HSPA13: variants seen among roughly 807,000 people sequenced by gnomAD.
The protein encoded by HSPA13 is heat shock protein family A (Hsp70) member 13.
HSPA13 carries 29 observed loss-of-function variants against 38.8 expected under a neutral mutation model. The observed-to-expected ratio is 0.75, with a 90% CI of 0.56 to 1.02. HSPA13 has a LOEUF of 1.02. Ranked by LOEUF, HSPA13 falls within the 50% of genes least tolerant of loss-of-function variation. HSPA13 has a pLI of 0.00. For missense variants in HSPA13, 451 were observed against 560.9 expected, an observed-to-expected ratio of 0.80 and a Z score of 1.98; for synonymous variants, 192 against 205.3, an observed-to-expected ratio of 0.94 and a Z score of 0.56.
intron 4 of HSPA13, among the ~76,000 whole-genome samples, chr21:14,375,367 A>T (rs573345695): frequency 6.6e-6 from 1 of 152,110 alleles, no homozygotes; most frequent in Non-Finnish European, 1.5e-5. Flanking sequence ...ATAAAATTAC[A>T]TATACAGAAA....
Position 14,375,851 on chromosome 21 carries a change from TGA to T in HSPA13, c.581-34_581-33del, listed in dbSNP as rs761698381. On this transcript the variant is annotated intron_variant, in intron 3 of 4. Transcript: ENST00000285667. ...GATTGGTTAAGGGAAGAAAAATTCA[TGA>T]GAGGATGCGATCAAGTAATCTCTTC... The T allele has an allele frequency of 3.1e-6, 5 of 1,587,768 alleles. No homozygotes were observed. In the East Asian group the frequency reaches 9.0e-5, roughly 29 times the overall value.
chr21:14,376,002 T>C (rs1180635788), intron 3 of HSPA13, among the ~76,000 whole-genome samples, 183 bp from the exon 4 acceptor site: 1 of 152,218 alleles, frequency 6.6e-6, no homozygotes, highest in African/African-American at 2.4e-5. Flanking sequence ...CTAAATGCTA[T>C]CTTTAAAATT....
At position 14,373,951 on chromosome 21, in the gene HSPA13, A is replaced by T; in HGVS notation, c.1082T>A (p.Phe361Tyr). Residue 361 changes from phenylalanine to tyrosine, a missense_variant, in exon 5 of 5, where the codon TTT (phenylalanine) becomes TAT (tyrosine). Physicochemically the swap from Phe to Tyr is conservative, Grantham distance 22 (BLOSUM62 3). Transcript: ENST00000285667. The part of the protein sequence containing the change: ...DKKSGESQVL[F>Y]ETEISRKLFD... ...GAGTTTCCGTGATATTTCTGTTTCA[A>T]ATAAAACCTGACTTTCTCCACTTTT... is the stretch of plus-strand genomic sequence containing the variant. 1.2e-6 allele frequency: 2 copies of T among 1,614,188 alleles called. No individual in the cohort carries two copies. The highest frequency in any genetic ancestry group is 1.7e-6 in the Non-Finnish European group (2 of 1,180,032).
At chr21:14,377,578 T>A (rs1186320656) in intron 3 of HSPA13, among the ~76,000 whole-genome samples, 2 of 152,238 alleles carry the variant, frequency 1.3e-5, no homozygotes, top group African/African-American at 4.8e-5. Context: ...TGCAAAGTAT[T>A]GTTCCTGGGT....
Position 14,378,304 on chromosome 21 carries a change from C to T in HSPA13, c.475G>A (p.Ala159Thr). The T allele has an allele frequency of 6.2e-7, 1 of 1,613,776 alleles. No homozygotes were observed. Among genetic ancestry groups the T allele is most frequent in the Non-Finnish European group, 8.5e-7 (1 of 1,179,674 alleles). Residue 159 changes from alanine to threonine, a missense_variant, in exon 3 of 5, where the codon GCA (alanine) becomes ACA (threonine). By Grantham distance (58) the Ala-to-Thr change is moderately conservative (BLOSUM62 0). Transcript: ENST00000285667. ...ACTGGCATTCCAAGATATGCCTCTG[C>T]CATTTCCTTTAACTTCAACAATAGT... is the stretch of plus-strand genomic sequence containing the variant. ...SRLLLKLKEM[A>T]EAYLGMPVAN...
At chr21:14,377,804 C>T (rs1031133547) in intron 3 of HSPA13, among the ~76,000 whole-genome samples, 25 of 152,356 alleles carry the variant, frequency 1.6e-4, no homozygotes, top group African/African-American at 5.8e-4. Context: ...GAACATCGGA[C>T]TCTAAGTTCT....
At chr21:14,374,768 A>C (rs1346993640) in intron 4 of HSPA13, among the ~76,000 whole-genome samples, 1 of 152,204 alleles carries the variant, frequency 6.6e-6, no homozygotes, top group East Asian at 1.9e-4. Flanking sequence ...AGCTATTTAA[A>C]AACACTGAAT....
Position 14,383,089 on chromosome 21 carries a change from A to C in HSPA13, c.25+6T>G. ...GCAAGAGCAACAAGGACCCCCGGGA[A>C]CCCACCTAAGATCGTCATCTCTCTG... is the stretch of plus-strand genomic sequence containing the variant. On this transcript the variant is annotated splice_donor_region_variant and intron_variant, in intron 1 of 4. Coordinates refer to ENST00000285667, the MANE Select transcript of HSPA13 (RefSeq NM_006948.5). 6.2e-7 allele frequency: 1 copy of C among 1,614,072 alleles called. No homozygotes were observed. The highest frequency in any genetic ancestry group is 8.5e-7 in the Non-Finnish European group (1 of 1,179,998).
Position 14,378,355 on chromosome 21 carries a change from CTG to C in HSPA13, c.422_423del (p.Thr141SerfsTer38). On this transcript the variant is annotated frameshift_variant, in exon 3 of 5. Transcript: ENST00000285667. LOFTEE classifies it high-confidence loss of function. ...EFSVTSNETITVSPEYVGSRL... is the reference protein window; with the variant it reads ...EFSVTSNETIXVSPEYVGSRL... ...CGAGAGCCAACATATTCTGGGGACA[CTG>C]TGATGGTCTCATTACTTGTCACAGA... 1 of 1,614,162 alleles carries C rather than the reference CTG, an allele frequency of 6.2e-7. No homozygotes were observed. Among genetic ancestry groups the C allele is most frequent in the Non-Finnish European group, 8.5e-7 (1 of 1,179,990 alleles).
chr21:14,375,623 C>A (rs776538783), intron 4 of HSPA13, 29 bp downstream of exon 4: 3 of 1,603,276 alleles, frequency 1.9e-6, no homozygotes, highest in South Asian at 2.2e-5. Context: ...TGAGCCACTG[C>A]GCCCAGCCTC....
intron 2 of HSPA13, among the ~76,000 whole-genome samples, chr21:14,378,976 C>A (rs1984102769): frequency 6.6e-6 from 1 of 151,868 alleles, no homozygotes; most frequent in Non-Finnish European, 1.5e-5. Flanking sequence ...GACTAGAACA[C>A]AAAAGATTCT....
intron 2 of HSPA13, among the ~76,000 whole-genome samples, chr21:14,380,578 C>A (rs184956703): frequency 6.2e-4 from 95 of 152,036 alleles, no homozygotes; most frequent in African/African-American, 2.2e-3. Flanking sequence ...TTCTGGTGAG[C>A]AAACCAGAAA....
At position 14,373,960 on chromosome 21, in the gene HSPA13, T is replaced by G. The variant is rs535133053; in HGVS notation, c.1073A>C (p.Gln358Pro). The G allele has an allele frequency of 7.4e-6, 12 of 1,614,216 alleles. No homozygotes were observed. The African/African-American group carries it at 1.6e-4, about 22-fold the overall frequency. Residue 358 changes from glutamine to proline, a missense_variant, in exon 5 of 5, where the codon CAG (glutamine) becomes CCG (proline). By Grantham distance (76) the Gln-to-Pro change is moderately conservative. Coordinates refer to ENST00000285667, the MANE Select transcript of HSPA13 (RefSeq NM_006948.5). ...TGATATTTCTGTTTCAAATAAAACCTGACTTTCTCCACTTTTCTTATCAGA... is the reference window on the plus strand; with the variant it reads ...TGATATTTCTGTTTCAAATAAAACCGGACTTTCTCCACTTTTCTTATCAGA... ...GLSDKKSGES[Q>P]VLFETEISRK...
chr21:14,375,387 A>C (rs1187398696), intron 4 of HSPA13, among the ~76,000 whole-genome samples: 2 of 150,322 alleles, frequency 1.3e-5, no homozygotes, highest in African/African-American at 4.8e-5. Context: ...AACTATCAAA[A>C]TGAAGTCAAA....
rs1982858166 is a variant in HSPA13 at position 14,372,830 on chromosome 21, A to T, written c.*787T>A. On this transcript the variant is annotated 3_prime_UTR_variant, in exon 5 of 5. Coordinates refer to ENST00000285667, the MANE Select transcript of HSPA13 (RefSeq NM_006948.5). ...GCAATCATGGCTTTATTATGACATT[A>T]ACACATTCTTCAAATGCAATTACCA... 1 of 152,190 alleles carries T rather than the reference A, an allele frequency of 6.6e-6. No individual in the cohort carries two copies. Among genetic ancestry groups the T allele is most frequent in the Admixed American group, 6.5e-5 (1 of 15,282 alleles). The allele number at this position is 152,190 out of a possible 1,614,324, so 9.4% of individuals were successfully genotyped here.
Position 14,373,759 on chromosome 21 carries a change from T to C in HSPA13, c.1274A>G (p.Asp425Gly). 6.2e-7 allele frequency: 1 copy of C among 1,614,222 alleles called. No homozygotes were observed. Among genetic ancestry groups the C allele is most frequent in the Non-Finnish European group, 8.5e-7 (1 of 1,180,030 alleles). The change falls in exon 5 of 5, where the codon GAT (aspartate) becomes GGT (glycine). Residue 425 changes from aspartate (D) to glycine (G), a missense_variant. Asp to Gly is a moderately conservative substitution (Grantham distance 94). Transcript: ENST00000285667. ...GTCAGGGTCTACAGATGTGTTGGGATCTTTTCCAAAGAACTCTTGAATGAC... is the reference window on the plus strand; with the variant it reads ...GTCAGGGTCTACAGATGTGTTGGGACCTTTTCCAAAGAACTCTTGAATGAC... ...RQVIQEFFGK[D>G]PNTSVDPDLA...
intron 4 of HSPA13, among the ~76,000 whole-genome samples, chr21:14,375,020 A>G (rs1279999261): frequency 6.6e-6 from 1 of 152,196 alleles, no homozygotes; most frequent in Non-Finnish European, 1.5e-5. Flanking sequence ...TTACAACTCA[A>G]CGTGTCAAAC....
intron 1 of HSPA13, 48 bp from the exon 2 acceptor site, chr21:14,381,591 T>A: frequency 7.0e-7 from 1 of 1,418,838 alleles, no homozygotes; most frequent in Non-Finnish European, 9.5e-7. Flanking sequence ...ACTAGTACAA[T>A]GTACTAAATT....
rs142327059 is a variant in HSPA13 at position 14,374,098 on chromosome 21, G to A, written c.935C>T (p.Thr312Met). Reference sequence around the variant, plus strand: ...TTCCTTCCTGTCCTGCTCCTCCACCGTTAGTAATACTGACAACTGAGCAGA... The same window carrying A: ...TTCCTTCCTGTCCTGCTCCTCCACCATTAGTAATACTGACAACTGAGCAGA... ...HQSAQLSVLL[T>M]VEEQDRKEPH... is the part of the protein sequence containing the mutation. Residue 312 changes from threonine (T) to methionine (M), a missense_variant, in exon 5 of 5, where the codon ACG becomes ATG. Thr to Met is a moderately conservative substitution (Grantham distance 81). Transcript: ENST00000285667. The A allele has an allele frequency of 3.2e-4, 519 of 1,614,094 alleles. No homozygotes were observed. Among genetic ancestry groups the A allele is most frequent in the Non-Finnish European group, 3.9e-4 (459 of 1,180,008 alleles).
Sources: gnomAD v4.1 joint callset for allele counts (sites outside exome capture counted in the v4.1 genomes callset) on GRCh38, gnomAD v4.1.1 for gene constraint, MANE v1.5 for transcripts, NCBI Gene and HGNC (gene_info 2026-07-23, HGNC 2026-07-21) for gene names.